KPNA1: variants seen among roughly 807,000 people sequenced by gnomAD.
The protein encoded by KPNA1 is karyopherin subunit alpha 1.
In KPNA1, 10 loss-of-function variants were observed where a neutral mutation model predicts 70.5. The observed-to-expected ratio is 0.14, with a 90% CI of 0.09 to 0.24. The LOEUF is 0.24. Among genes scored for constraint, KPNA1 ranks in the 10% least tolerant of loss-of-function variants. The pLI is 1.00. For synonymous variants in KPNA1, 192 were observed against 221.9 expected, an observed-to-expected ratio of 0.87 and a Z score of 1.20; for missense variants, 397 against 637.9, an observed-to-expected ratio of 0.62 and a Z score of 4.07.
intron 2 of KPNA1, among the ~76,000 whole-genome samples, chr3:122,478,182 GA>G (rs1165075071): frequency 6.9e-5 from 9 of 129,878 alleles, no homozygotes; most frequent in South Asian, 2.4e-4. Flanking sequence ...AAAAAGAAAA[GA>G]AAAAGAAAAA....
chr3:122,428,632 T>C (rs918192059), intron 12 of KPNA1, among the ~76,000 whole-genome samples: 1 of 152,182 alleles, frequency 6.6e-6, no homozygotes, highest in Non-Finnish European at 1.5e-5. Context: ...ATTCAGATGA[T>C]AAAATGAACA....
At chr3:122,502,816 T>C (rs1256386404) in intron 1 of KPNA1, among the ~76,000 whole-genome samples, 2 of 152,234 alleles carry the variant, frequency 1.3e-5, no homozygotes, top group Admixed American at 6.5e-5. Flanking sequence ...GTTGCAATGA[T>C]GTCCCAAATT....
At chr3:122,454,375 TA>T (rs1017256340) in intron 5 of KPNA1, among the ~76,000 whole-genome samples, 3 of 152,212 alleles carry the variant, frequency 2.0e-5, no homozygotes, top group African/African-American at 7.2e-5. Flanking sequence ...ATATATGCAT[TA>T]ATTTACTTAT....
At chr3:122,461,746 C>A (rs1220778563) in intron 4 of KPNA1, among the ~76,000 whole-genome samples, 3 of 152,154 alleles carry the variant, frequency 2.0e-5, no homozygotes, top group Non-Finnish European at 4.4e-5. Flanking sequence ...AATAGGCCTG[C>A]AGAATTTAAT....
At chr3:122,513,833 G>C (rs1212873976) in intron 1 of KPNA1, among the ~76,000 whole-genome samples, 1 of 152,220 alleles carries the variant, frequency 6.6e-6, no homozygotes, top group Non-Finnish European at 1.5e-5. Flanking sequence ...GGGAAGCTGA[G>C]GCAAGAGGAC....
Position 122,426,943 on chromosome 3 carries a change from G to A in KPNA1, c.*42C>T. On this transcript the variant is annotated 3_prime_UTR_variant, in exon 14 of 14. Transcript: ENST00000344337. ...GGGCTCCACAAGAGGACTCGACTGG[G>A]TAGCCTGGTCTGACACAGGTACGTG... 1.3e-6 allele frequency: 2 copies of A among 1,543,932 alleles called. No individual in the cohort carries two copies. Among genetic ancestry groups the A allele is most frequent in the Non-Finnish European group, 8.9e-7 (1 of 1,119,544 alleles).
In KPNA1 at chr3:122,427,686, C is replaced by T. The variant is rs1036004077; in HGVS notation, c.1281G>A (p.Pro427=). The part of the protein sequence containing the change: ...KYLVELGCIK[P]LCDLLTVMDS... The stretch of plus-strand genomic sequence containing the variant: ...CCATGACCGTGAGGAGATCACAGAG[C>T]GGCTTGATACAACCCAGTTCTACTA... Residue 427 remains proline (P), a synonymous_variant, in exon 13 of 14, where the codon CCG becomes CCA. Coordinates refer to ENST00000344337, the MANE Select transcript of KPNA1 (RefSeq NM_002264.4). 9.9e-6 allele frequency: 16 copies of T among 1,609,540 alleles called. No individual in the cohort carries two copies. The highest frequency in any genetic ancestry group is 6.7e-5 in the African/African-American group (5 of 74,778).
In KPNA1 at chr3:122,423,786, G is replaced by T. The variant is rs2075786242; in HGVS notation, c.*3199C>A. ...ATCTGGAATAATTCAGATTTTTTAT[G>T]AGATTAATTGCCAATCTTTTTATCT... On this transcript the variant is annotated 3_prime_UTR_variant, in exon 14 of 14. Transcript: ENST00000344337. 1 of 152,684 alleles carries T rather than the reference G, an allele frequency of 6.5e-6. No homozygotes were observed. The highest frequency in any genetic ancestry group is 2.1e-4 in the South Asian group (1 of 4,826). 9.5% of individuals were successfully genotyped at this position (152,684 alleles called of 1,614,324 possible).
rs1249908571 is a variant in KPNA1, at chr3:122,425,403, G to A, written c.*1582C>T. 1 of 152,614 alleles carries A rather than the reference G, an allele frequency of 6.6e-6. No individual in the cohort carries two copies. Among genetic ancestry groups the A allele is most frequent in the Non-Finnish European group, 1.5e-5 (1 of 68,040 alleles). The allele number at this position is 152,614 out of a possible 1,614,324, so 9.5% of individuals were successfully genotyped here. On this transcript the variant is annotated 3_prime_UTR_variant, in exon 14 of 14. Coordinates refer to ENST00000344337, the MANE Select transcript of KPNA1 (RefSeq NM_002264.4). ...TATAATGAATTCTAGAAGAGGACAA[G>A]TCTAAAAAGGTTTAAAAGGGTATGC...
At chr3:122,437,096 T>C in intron 11 of KPNA1, 74 bp downstream of exon 11, 1 of 1,507,812 alleles carries the variant, frequency 6.6e-7, no homozygotes, top group Non-Finnish European at 9.1e-7. Context: ...AAATGTGTTT[T>C]AAAGGGTGAC....
At chr3:122,429,446 C>CAAAAA (rs57991855) in intron 12 of KPNA1, among the ~76,000 whole-genome samples, 812 of 58,642 alleles carry the variant, frequency 0.014, 51 homozygotes, top group Non-Finnish European at 0.02. Context: ...AACTCTGTCT[C>CAAAAA]AAAAAAAAAA....
intron 5 of KPNA1, chr3:122,457,798 G>A: frequency 7.8e-7 from 1 of 1,289,850 alleles, no homozygotes; most frequent in Non-Finnish European, 1.0e-6. Flanking sequence ...GGACTCTGTT[G>A]CTGGCCACTT....
chr3:122,461,104 A>G (rs1042222173), intron 5 of KPNA1, 120 bp downstream of exon 5: 1 of 573,894 alleles, frequency 1.7e-6, no homozygotes, highest in Non-Finnish European at 3.0e-6. Context: ...GTTGTCAGGA[A>G]TATCATTATA....
chr3:122,438,377 G>T (rs1044146687), intron 10 of KPNA1, among the ~76,000 whole-genome samples: 6 of 149,562 alleles, frequency 4.0e-5, no homozygotes, highest in Non-Finnish European at 8.9e-5. Context: ...TCAGTCTTCG[G>T]TATTTCTTTT....
chr3:122,430,654 C>T (rs2075891636), intron 12 of KPNA1, among the ~76,000 whole-genome samples: 1 of 151,736 alleles, frequency 6.6e-6, no homozygotes, highest in African/African-American at 2.4e-5. Flanking sequence ...CAGACCCACA[C>T]AAAAAGAATA....
intron 1 of KPNA1, among the ~76,000 whole-genome samples, chr3:122,501,278 C>G (rs1482881871): frequency 6.6e-6 from 1 of 152,040 alleles, no homozygotes; most frequent in Non-Finnish European, 1.5e-5. Context: ...CACCCACCTC[C>G]GCGTCCTGAA....
chr3:122,460,528 A>G (rs1034974676), intron 5 of KPNA1: 4 of 202,574 alleles, frequency 2.0e-5, no homozygotes, highest in African/African-American at 9.4e-5. Flanking sequence ...TCCCAGCTTC[A>G]TGGGAGGCTG....
At chr3:122,470,376 G>A (rs2076427416) in intron 2 of KPNA1, among the ~76,000 whole-genome samples, 1 of 151,966 alleles carries the variant, frequency 6.6e-6, no homozygotes, top group Non-Finnish European at 1.5e-5. Context: ...GCCGGGCGTG[G>A]CAGCGGGCGC....
At chr3:122,449,441 A>T in intron 9 of KPNA1, 133 bp downstream of exon 9, 1 of 715,798 alleles carries the variant, frequency 1.4e-6, no homozygotes, top group Non-Finnish European at 2.2e-6. Context: ...CAAAATAAAC[A>T]AGTAACAAAA....
Sources: allele counts gnomAD v4.1 joint callset (sites outside exome capture counted in the v4.1 genomes callset), GRCh38; gene constraint gnomAD v4.1.1; transcripts MANE v1.5; gene names NCBI Gene and HGNC (gene_info 2026-07-23, HGNC 2026-07-21).